The following BRINP3 variants were observed in gnomAD, a reference collection of about 807,000 sequenced individuals.
BRINP3 encodes BMP/retinoic acid-inducible neural-specific protein 3.
Under a neutral mutation model 71.0 loss-of-function variants are expected in BRINP3, and 19 were observed. The ratio of observed to expected loss-of-function variants is 0.27; its 90% confidence interval spans 0.19 to 0.39. The LOEUF (loss-of-function observed/expected upper bound fraction) is 0.39. BRINP3 is among the 10% of genes least tolerant of loss of function. The pLI is 1.00. For missense variants in BRINP3, 959 were observed against 940.8 expected (o/e 1.02, Z -0.25); for synonymous variants, 380 against 337.7 (o/e 1.13, Z -1.37).
At chr1:190,454,093 T>C (rs1017860373) in intron 2 of BRINP3, among the ~76,000 whole-genome samples, 19 of 152,234 alleles carry the variant, frequency 1.2e-4, no homozygotes, top group African/African-American at 3.4e-4. Context: ...AGAACATTGA[T>C]AGATGTTAAA....
At chr1:190,167,417 T>G (rs1049104915) in intron 6 of BRINP3, among the ~76,000 whole-genome samples, 3 of 152,132 alleles carry the variant, frequency 2.0e-5, no homozygotes, top group African/African-American at 7.2e-5. Flanking sequence ...TGGACCTATA[T>G]GCCTGCATAT....
intron 2 of BRINP3, among the ~76,000 whole-genome samples, chr1:190,293,584 G>A (rs779398753): frequency 2.0e-5 from 3 of 152,100 alleles, no homozygotes; most frequent in Middle Eastern, 3.2e-3. Context: ...TTGGTTTTCT[G>A]CCTGAATAAT....
At chr1:190,361,786 G>A (rs182289115) in intron 2 of BRINP3, among the ~76,000 whole-genome samples, 444 of 152,104 alleles carry the variant, frequency 2.9e-3, no homozygotes, top group Admixed American at 3.5e-3. Flanking sequence ...TGTACAAGGC[G>A]GCTACATGCA....
At position 190,265,007 on chromosome 1, in the gene BRINP3, C is replaced by A. The variant is rs375567534; in HGVS notation, c.476G>T (p.Arg159Leu). 30 of 1,610,572 alleles carry A rather than the reference C, an allele frequency of 1.9e-5. No homozygotes were observed. Among genetic ancestry groups the A allele is most frequent in the African/African-American group, 2.7e-5 (2 of 74,632 alleles). Reference protein sequence around the residue: ...IFVDKRKLSKRAEGSDSTTNS... With the variant: ...IFVDKRKLSKLAEGSDSTTNS... ...GGTGGTGGAATCACTTCCTTCAGCT[C>A]GTTTGCTCAACTTCCGCTTGTCCAC... Residue 159 changes from arginine to leucine, a missense_variant, in exon 4 of 8, where the codon CGA becomes CTA. Coordinates refer to ENST00000367462, the MANE Select transcript of BRINP3 (RefSeq NM_199051.3).
At position 190,394,932 on chromosome 1, in the gene BRINP3, T is replaced by C. The variant is rs559203810; in HGVS notation, c.236+59723A>G. ...GTGGAATTGCACCATTTCGGAGGTATTTTTATAGTGTGAAGAGAATGTCAT... is the reference window on the plus strand; with the variant it reads ...GTGGAATTGCACCATTTCGGAGGTACTTTTATAGTGTGAAGAGAATGTCAT... On this transcript the variant is annotated intron_variant, in intron 2 of 7. Coordinates refer to ENST00000367462, the MANE Select transcript of BRINP3 (RefSeq NM_199051.3). Among the ~76,000 whole-genome samples, 5 of 151,798 alleles carry C rather than the reference T, an allele frequency of 3.3e-5. No individual in the cohort carries two copies. In the South Asian group the frequency reaches 8.3e-4, roughly 25 times the overall value.
chr1:190,145,381 T>C (rs1429176294), intron 7 of BRINP3, among the ~76,000 whole-genome samples: 2 of 152,200 alleles, frequency 1.3e-5, no homozygotes, highest in African/African-American at 4.8e-5. Flanking sequence ...TTTGTAACTA[T>C]GATCTTTATT....
At chr1:190,272,964 T>C (rs946535180) in intron 3 of BRINP3, among the ~76,000 whole-genome samples, 14 of 151,580 alleles carry the variant, frequency 9.2e-5, no homozygotes, top group Middle Eastern at 3.4e-3. Context: ...TCAACTTTTA[T>C]AAATCATGGA....
intron 6 of BRINP3, among the ~76,000 whole-genome samples, chr1:190,225,462 G>T (rs1657269384): frequency 6.6e-6 from 1 of 151,828 alleles, no homozygotes; most frequent in African/African-American, 2.4e-5. Context: ...GTAGAACGGT[G>T]GTTTCCAGAG....
intron 1 of BRINP3, among the ~76,000 whole-genome samples, chr1:190,470,116 A>G (rs1177566314): frequency 6.6e-6 from 1 of 151,056 alleles, no homozygotes; most frequent in Non-Finnish European, 1.5e-5. Context: ...TCCCAACTCT[A>G]GATTGTTTTT....
intron 2 of BRINP3, among the ~76,000 whole-genome samples, chr1:190,292,052 G>A (rs1386694917): frequency 2.0e-5 from 3 of 152,202 alleles, no homozygotes; most frequent in South Asian, 2.1e-4. Context: ...GGTATAGAAA[G>A]AAAAATTCCA....
chr1:190,408,203 A>ATT (rs55768635), intron 2 of BRINP3, among the ~76,000 whole-genome samples: 10 of 141,424 alleles, frequency 7.1e-5, no homozygotes, highest in African/African-American at 2.8e-4. Context: ...TTATTTATTT[A>ATT]TTTTTTTTTT....
At chr1:190,157,914 G>T (rs1017334425) in intron 7 of BRINP3, among the ~76,000 whole-genome samples, 3 of 152,010 alleles carry the variant, frequency 2.0e-5, no homozygotes, top group African/African-American at 7.2e-5. Flanking sequence ...GTACATACAT[G>T]CCATGGAATA....
At chr1:190,107,415 C>T (rs1571714993) in intron 7 of BRINP3, among the ~76,000 whole-genome samples, 1 of 151,838 alleles carries the variant, frequency 6.6e-6, no homozygotes, top group East Asian at 1.9e-4. Context: ...GTCCTTTTTC[C>T]TCTGCTTAGC....
intron 6 of BRINP3, among the ~76,000 whole-genome samples, chr1:190,183,927 ATTG>A (rs1653269851): frequency 6.6e-6 from 1 of 152,070 alleles, no homozygotes; most frequent in Non-Finnish European, 1.5e-5. Flanking sequence ...GAGCAGGACA[ATTG>A]TTGTCTATCT....
chr1:190,300,233 G>A (rs547132323), intron 2 of BRINP3, among the ~76,000 whole-genome samples: 7 of 152,150 alleles, frequency 4.6e-5, no homozygotes, highest in Admixed American at 3.3e-4. Flanking sequence ...ATATTTCTTG[G>A]AGGCTTTGCT....
At chr1:190,443,039 A>G (rs1215402942) in intron 2 of BRINP3, among the ~76,000 whole-genome samples, 1 of 151,198 alleles carries the variant, frequency 6.6e-6, no homozygotes, top group African/African-American at 2.4e-5. Flanking sequence ...CGGCCTCCCA[A>G]GTAGCTGGGA....
At chr1:190,313,372 A>C (rs1432572223) in intron 2 of BRINP3, among the ~76,000 whole-genome samples, 4 of 152,010 alleles carry the variant, frequency 2.6e-5, no homozygotes, top group African/African-American at 9.7e-5. Flanking sequence ...GAAGAAAGGA[A>C]AGCAGAAGTC....
intron 7 of BRINP3, among the ~76,000 whole-genome samples, chr1:190,109,778 G>C (rs1328151256): frequency 6.6e-6 from 1 of 152,200 alleles, no homozygotes; most frequent in Non-Finnish European, 1.5e-5. Context: ...CTGAATTTCA[G>C]TTTCTCCAGC....
At chr1:190,419,204 A>G (rs1673198942) in intron 2 of BRINP3, among the ~76,000 whole-genome samples, 1 of 152,098 alleles carries the variant, frequency 6.6e-6, no homozygotes, top group Non-Finnish European at 1.5e-5. Flanking sequence ...TGAATGTTTC[A>G]AAAGCATTAC....
Sources: allele counts gnomAD v4.1 joint callset (sites outside exome capture counted in the v4.1 genomes callset), GRCh38; gene constraint gnomAD v4.1.1; transcripts MANE v1.5; gene names NCBI Gene and HGNC (gene_info 2026-07-23, HGNC 2026-07-21).